HMGB1: variants seen among roughly 807,000 people sequenced by gnomAD.
HMGB1 encodes the protein high mobility group protein B1.
For synonymous variants in HMGB1, 81 were observed against 84.0 expected (o/e 0.96, Z 0.19); for missense variants, 79 against 253.5 (o/e 0.31, Z 4.67).
At chr13:30,599,243 C>T (rs1192619049) in intron 1 of HMGB1, among the ~76,000 whole-genome samples, 4 of 152,076 alleles carry the variant, frequency 2.6e-5, no homozygotes, top group South Asian at 2.1e-4. Flanking sequence ...CCAAGGTGGG[C>T]GGATCACCTG....
Position 30,463,566 on chromosome 13 carries a change from A to C in HMGB1, c.115T>G (p.Ser39Ala), listed in dbSNP as rs1184697282. The C allele has an allele frequency of 6.2e-7, 1 of 1,612,032 alleles. No individual in the cohort carries two copies. The highest frequency in any genetic ancestry group is 1.3e-5 in the African/African-American group (1 of 74,824). ...KKHPDASVNF[S>A]EFSKKCSERW... The stretch of plus-strand genomic sequence containing the variant: ...TCTGAGCACTTCTTAGAAAACTCTG[A>C]GAAGTTGACTGAAGCATCTGGGTGC... The change falls in exon 2 of 5, where the codon TCA becomes GCA. Residue 39 changes from serine (S) to alanine (A), a missense_variant. Physicochemically the swap from Ser to Ala is moderately conservative, Grantham distance 99. Transcript: ENST00000341423.
Position 30,515,821 on chromosome 13 carries a change from A to G in HMGB1, c.-14-52127T>C, listed in dbSNP as rs146236967. On this transcript the variant is annotated intron_variant, in intron 1 of 4. Transcript: ENST00000405805. ...CTACATTGTAGTTTCAGGACACCAA[A>G]AATGAGCTAGTAGAATATTTTACAA... 3.3e-3 allele frequency among the ~76,000 whole-genome samples: 502 copies of G among 152,300 alleles called. 3 individuals carry two copies. The highest frequency in any genetic ancestry group is 0.012 in the African/African-American group (484 of 41,554).
intron 1 of HMGB1, among the ~76,000 whole-genome samples, chr13:30,501,995 T>C (rs960919098): frequency 4.6e-5 from 7 of 152,366 alleles, no homozygotes; most frequent in Non-Finnish European, 8.8e-5. Flanking sequence ...ACTCCTTTCA[T>C]AGCCAAATTT....
At chr13:30,480,851 G>A (rs960311114) in intron 1 of HMGB1, among the ~76,000 whole-genome samples, 2 of 151,714 alleles carry the variant, frequency 1.3e-5, no homozygotes, top group African/African-American at 4.8e-5. Flanking sequence ...TGGCTTTGGG[G>A]AACAAGTTTT....
chr13:30,551,582 T>A (rs570147234), intron 1 of HMGB1, among the ~76,000 whole-genome samples: 1 of 152,238 alleles, frequency 6.6e-6, no homozygotes, highest in African/African-American at 2.4e-5. Flanking sequence ...AATTATTCAA[T>A]GTCACCCAGG....
At chr13:30,610,763 G>C (rs373684046) in intron 1 of HMGB1, among the ~76,000 whole-genome samples, 77 of 150,444 alleles carry the variant, frequency 5.1e-4, no homozygotes, top group South Asian at 1.0e-3. Context: ...GGGAAGAAAA[G>C]GTCTATATTG....
At chr13:30,504,870 T>G (rs1204641888) in intron 1 of HMGB1, among the ~76,000 whole-genome samples, 2 of 85,730 alleles carry the variant, frequency 2.3e-5, no homozygotes, top group African/African-American at 3.0e-5. Flanking sequence ...TTTGCTTTTT[T>G]CCCCCTACAC....
At position 30,475,047 on chromosome 13, in the gene HMGB1, T is replaced by C. The variant is rs866934600; in HGVS notation, c.-14-11353A>G. Among the ~76,000 whole-genome samples, 291 of 41,636 alleles carry C rather than the reference T, an allele frequency of 7.0e-3. 3 individuals are homozygous for C. Among genetic ancestry groups the C allele is most frequent in the Non-Finnish European group, 1.0e-2 (191 of 19,174 alleles). 27.3% of individuals were successfully genotyped at this position (41,636 alleles called of 152,430 possible). A position where few individuals can be genotyped will look rare whatever the true frequency, so the allele number is the denominator to read the frequency against. On this transcript the variant is annotated intron_variant, in intron 1 of 4. Coordinates refer to the HMGB1 transcript ENST00000405805. ...CTCAGCTCTCTCTCTCTCTCTCTCTTTTTTTTTTTTTTTGAGACAGTCTCG... is the reference window on the plus strand; with the variant it reads ...CTCAGCTCTCTCTCTCTCTCTCTCTCTTTTTTTTTTTTTGAGACAGTCTCG...
chr13:30,518,711 CTTT>C (rs573738449), intron 1 of HMGB1, among the ~76,000 whole-genome samples: 1 of 145,056 alleles, frequency 6.9e-6, no homozygotes. Flanking sequence ...TCATAGAAAC[CTTT>C]TTTTTTTTGA....
chr13:30,466,973 G>A (rs2137414744), upstream of HMGB1, among the ~76,000 whole-genome samples: 1 of 152,310 alleles, frequency 6.6e-6, no homozygotes, highest in East Asian at 1.9e-4. Context: ...AGGAGTTGTA[G>A]GTATATGGTT....
intron 1 of HMGB1, among the ~76,000 whole-genome samples, chr13:30,509,739 A>G (rs1887948923): frequency 1.3e-5 from 2 of 152,094 alleles, no homozygotes; most frequent in Admixed American, 1.3e-4. Flanking sequence ...TGGCAATAAT[A>G]TTTTCAACAT....
chr13:30,499,440 T>C (rs988114167), intron 1 of HMGB1, among the ~76,000 whole-genome samples: 4 of 152,200 alleles, frequency 2.6e-5, no homozygotes, highest in African/African-American at 4.8e-5. Context: ...TCATTACTTC[T>C]CAAAAATTGC....
rs1014365944 is a variant in HMGB1, at chr13:30,464,442, G to T, written c.-14-748C>A. 4.1e-6 allele frequency: 4 copies of T among 985,198 alleles called. No individual in the cohort carries two copies. The African/African-American group carries it at 5.2e-5, about 13-fold the overall frequency. 61.0% of individuals were successfully genotyped at this position (985,198 alleles called of 1,614,324 possible). On this transcript the variant is annotated intron_variant, in intron 1 of 4. Coordinates refer to ENST00000341423, the MANE Select transcript of HMGB1 (RefSeq NM_002128.7). ...CTCGGGAAGTATTTTTTGGAGCCGT[G>T]AAAGTTGGGGTGACTCCTGCGCGGG...
At chr13:30,591,760 C>T (rs768796036) in intron 1 of HMGB1, among the ~76,000 whole-genome samples, 1 of 152,132 alleles carries the variant, frequency 6.6e-6, no homozygotes, top group Non-Finnish European at 1.5e-5. Context: ...CCTTGGCCTA[C>T]CACGCATGCC....
At chr13:30,537,652 CATATATAT>C (rs58424009) in intron 1 of HMGB1, among the ~76,000 whole-genome samples, 1,779 of 67,852 alleles carry the variant, frequency 0.026, 31 homozygotes, top group African/African-American at 0.033. Context: ...CATTCTTGTT[CATATATAT>C]ATATATATAT....
chr13:30,545,559 G>T (rs1401587062), intron 1 of HMGB1, among the ~76,000 whole-genome samples: 2 of 152,056 alleles, frequency 1.3e-5, no homozygotes, highest in Non-Finnish European at 2.9e-5. Flanking sequence ...CCCATTCTCA[G>T]CAGTGCCCAG....
At chr13:30,479,473 A>G (rs1426533464) in intron 1 of HMGB1, among the ~76,000 whole-genome samples, 1 of 152,190 alleles carries the variant, frequency 6.6e-6, no homozygotes, top group African/African-American at 2.4e-5. Context: ...AAATTCTAGC[A>G]GTTGTTTTTG....
intron 1 of HMGB1, among the ~76,000 whole-genome samples, chr13:30,616,202 G>A (rs960078325): frequency 6.6e-6 from 1 of 152,124 alleles, no homozygotes; most frequent in Non-Finnish European, 1.5e-5. Context: ...GCTCTAGAGC[G>A]AAAACACAGA....
chr13:30,613,245 A>C (rs1280199714), intron 1 of HMGB1, among the ~76,000 whole-genome samples: 1 of 150,340 alleles, frequency 6.7e-6, no homozygotes, highest in Non-Finnish European at 1.5e-5. Context: ...ACACCCTCGA[A>C]CTCCTGACCT....
Sources: allele counts gnomAD v4.1 joint callset (sites outside exome capture counted in the v4.1 genomes callset), GRCh38; gene constraint gnomAD v4.1.1; transcripts MANE v1.5; gene names NCBI Gene and HGNC (gene_info 2026-07-23, HGNC 2026-07-21).